Variants in PACSIN2 observed in about 807,000 individuals in gnomAD.
The protein encoded by PACSIN2 is protein kinase C and casein kinase substrate in neurons 2, also known as protein kinase C and casein kinase substrate in neurons protein 2.
Under a neutral mutation model 63.8 loss-of-function variants are expected in PACSIN2, and 25 were observed. The ratio of observed to expected loss-of-function variants is 0.39; its 90% CI spans 0.29 to 0.55. The LOEUF is 0.55. Ranked by LOEUF, PACSIN2 falls within the 20% of genes least tolerant of loss-of-function variation. The pLI is 0.62. For synonymous variants in PACSIN2, 255 were observed against 256.2 expected, an observed-to-expected ratio of 1.00 and a Z score of 0.05; for missense variants, 518 against 646.9, an observed-to-expected ratio of 0.80 and a Z score of 2.16.
chr22:42,880,344 A>G (rs1236608846), intron 7 of PACSIN2, among the ~76,000 whole-genome samples: 1 of 152,234 alleles, frequency 6.6e-6, no homozygotes, highest in Admixed American at 6.5e-5. Context: ...TTCTGACCAA[A>G]ATAGATTGAC....
chr22:42,926,566 C>T (rs1209980004), intron 1 of PACSIN2, among the ~76,000 whole-genome samples: 2 of 152,078 alleles, frequency 1.3e-5, no homozygotes, highest in Non-Finnish European at 2.9e-5. Flanking sequence ...AGAAACACAG[C>T]ACAGACTCTC....
rs1478760752 is a variant in PACSIN2, at chr22:43,014,369, C to CA, written c.-78+651_-78+652insT. 4.4e-3 allele frequency among the ~76,000 whole-genome samples: 68 copies of CA among 15,502 alleles called. 1 individual carries two copies. The East Asian group carries it at 0.19, about 43-fold the overall frequency. The allele number at this position is 15,502 out of a possible 152,430, so 10.2% of individuals were successfully genotyped here. A position where few individuals can be genotyped will look rare whatever the true frequency, so the allele number is the denominator to read the frequency against. ...ACACACACAGACACACACACACCAC[C>CA]CCCCCCCCCCCGGGACACGGAGGGT... On this transcript the variant is annotated intron_variant, in intron 1 of 10. Coordinates refer to ENST00000263246, the MANE Select transcript of PACSIN2 (RefSeq NM_001184970.3).
chr22:42,990,264 G>A (rs1174337016), intron 1 of PACSIN2, among the ~76,000 whole-genome samples: 1 of 152,014 alleles, frequency 6.6e-6, no homozygotes, highest in African/African-American at 2.4e-5. Flanking sequence ...CTGGCTTTGG[G>A]TAAGAAGGGA....
At chr22:42,927,347 C>A (rs1402532429) in intron 1 of PACSIN2, among the ~76,000 whole-genome samples, 1 of 151,984 alleles carries the variant, frequency 6.6e-6, no homozygotes, top group South Asian at 2.1e-4. Flanking sequence ...CGAGTTCAAG[C>A]AACTTTCATG....
intron 2 of PACSIN2, chr22:42,909,667 G>C (rs534433810): frequency 4.4e-6 from 2 of 459,182 alleles, no homozygotes; most frequent in African/African-American, 4.0e-5. Context: ...TATTGCAGTT[G>C]AGAATTTAAC....
At chr22:42,974,291 T>C (rs1921528721) in intron 1 of PACSIN2, among the ~76,000 whole-genome samples, 1 of 152,228 alleles carries the variant, frequency 6.6e-6, no homozygotes, top group African/African-American at 2.4e-5. Flanking sequence ...CCCTTTCCCA[T>C]GAGCACCAAA....
At chr22:42,997,148 C>T (rs528572995) in intron 1 of PACSIN2, among the ~76,000 whole-genome samples, 2 of 152,312 alleles carry the variant, frequency 1.3e-5, no homozygotes, top group African/African-American at 4.8e-5. Context: ...TGTTTAATCA[C>T]GCTCTGCCTC....
rs759532303 is a variant in PACSIN2, at chr22:42,982,888, A to AAAAAAAAAAAAAAAAAAAC, written c.-78+32132_-78+32133insGTTTTTTTTTTTTTTTTTT. Among the ~76,000 whole-genome samples, 313 of 104,688 alleles carry AAAAAAAAAAAAAAAAAAAC rather than the reference A, an allele frequency of 3.0e-3. 9 individuals are homozygous for AAAAAAAAAAAAAAAAAAAC. Among genetic ancestry groups the AAAAAAAAAAAAAAAAAAAC allele is most frequent in the Non-Finnish European group, 4.9e-3 (235 of 47,538 alleles). 68.7% of individuals were successfully genotyped at this position (104,688 alleles called of 152,430 possible). ...GATCAATAAAAAAAAAAAAAAAAAA[A>AAAAAAAAAAAAAAAAAAAC]AACAACAACAAGGCTAGGAGCAGTG... On this transcript the variant is annotated intron_variant, in intron 1 of 10. Transcript: ENST00000263246.
At chr22:42,937,925 G>A (rs542799667) in intron 1 of PACSIN2, among the ~76,000 whole-genome samples, 2 of 152,330 alleles carry the variant, frequency 1.3e-5, no homozygotes, top group East Asian at 3.9e-4. Context: ...TCTCCCACTG[G>A]AGAACTCTGG....
intron 1 of PACSIN2, among the ~76,000 whole-genome samples, chr22:42,947,869 A>G (rs9623723): frequency 0.06 from 9,168 of 152,256 alleles, 914 homozygotes; most frequent in African/African-American, 0.21. Context: ...GGAGAAGGTG[A>G]CTGGGGCCAG....
chr22:43,009,093 C>T (rs1924285211), intron 1 of PACSIN2, among the ~76,000 whole-genome samples: 1 of 152,182 alleles, frequency 6.6e-6, no homozygotes, highest in African/African-American at 2.4e-5. Context: ...ACGAGTGACA[C>T]ATTCTGGGAT....
At chr22:42,957,335 G>C (rs944115874) in intron 1 of PACSIN2, among the ~76,000 whole-genome samples, 1 of 152,160 alleles carries the variant, frequency 6.6e-6, no homozygotes, top group Non-Finnish European at 1.5e-5. Context: ...TTCCTGAAGT[G>C]CTTTTGTTTC....
At chr22:43,002,041 C>T (rs1253150356) in intron 1 of PACSIN2, among the ~76,000 whole-genome samples, 2 of 152,126 alleles carry the variant, frequency 1.3e-5, no homozygotes, top group Non-Finnish European at 2.9e-5. Flanking sequence ...TGACAAGTTC[C>T]ACAGCAGACC....
intron 2 of PACSIN2, among the ~76,000 whole-genome samples, chr22:42,901,974 A>G (rs576736800): frequency 6.6e-6 from 1 of 152,326 alleles, no homozygotes; most frequent in East Asian, 1.9e-4. Context: ...TGATGCCACC[A>G]GCTGGCTGGC....
intron 1 of PACSIN2, among the ~76,000 whole-genome samples, chr22:42,950,425 T>TGGGGGGGGGGAGGGAGG (rs1569313906): frequency 7.3e-5 from 1 of 13,706 alleles, no homozygotes; most frequent in Non-Finnish European, 1.7e-4. Flanking sequence ...GGGAAGGGAG[T>TGGGGGGGGGGAGGGAGG]GGGCAGGTGG....
intron 1 of PACSIN2, among the ~76,000 whole-genome samples, chr22:42,929,828 T>C (rs1450127531): frequency 3.3e-5 from 5 of 152,182 alleles, no homozygotes; most frequent in Non-Finnish European, 7.4e-5. Context: ...GTCAAGATAC[T>C]AATTATTCTT....
intron 1 of PACSIN2, among the ~76,000 whole-genome samples, chr22:42,995,471 G>A (rs577320297): frequency 6.6e-6 from 1 of 152,110 alleles, no homozygotes. Context: ...GGTTTTTAAA[G>A]CAACTTTTCA....
intron 1 of PACSIN2, among the ~76,000 whole-genome samples, chr22:42,951,773 C>A (rs11913949): frequency 0.015 from 2,256 of 152,292 alleles, 52 homozygotes; most frequent in African/African-American, 0.051. Flanking sequence ...TCAACTGTCA[C>A]AGTTATTGAT....
intron 1 of PACSIN2, among the ~76,000 whole-genome samples, chr22:42,932,953 C>CAGA (rs1932812380): frequency 6.6e-6 from 1 of 152,178 alleles, no homozygotes; most frequent in African/African-American, 2.4e-5. Context: ...TCAGAGGAAC[C>CAGA]AACTGTGTTA....
Sources: allele counts gnomAD v4.1 joint callset (sites outside exome capture counted in the v4.1 genomes callset), GRCh38; gene constraint gnomAD v4.1.1; transcripts MANE v1.5; gene names NCBI Gene and HGNC (gene_info 2026-07-23, HGNC 2026-07-21).